Variants in GPC5 observed in about 807,000 individuals in gnomAD.
The protein encoded by GPC5 is glypican 5.
Under a neutral mutation model 53.9 loss-of-function variants are expected in GPC5, and 47 were observed. The observed-to-expected ratio is 0.87, with a 90% CI of 0.69 to 1.11. GPC5 has a LOEUF of 1.11. Ranked by LOEUF, GPC5 falls within the 50% of genes most tolerant of loss-of-function variation. The probability of loss-of-function intolerance (pLI) is 0.00; values close to 1 mark genes in which losing one functional copy is unlikely to be tolerated. For missense variants in GPC5, 748 were observed against 713.1 expected (o/e 1.05, Z -0.56); for synonymous variants, 286 against 263.3 (o/e 1.09, Z -0.84).
chr13:92,657,821 C>T (rs1290216377), intron 7 of GPC5, among the ~76,000 whole-genome samples: 1 of 152,014 alleles, frequency 6.6e-6, no homozygotes, highest in African/African-American at 2.4e-5. Flanking sequence ...TCTTTTAACT[C>T]TTCAGACTGT....
intron 7 of GPC5, among the ~76,000 whole-genome samples, chr13:92,283,969 G>T (rs1263111557): frequency 1.3e-5 from 2 of 152,108 alleles, no homozygotes; most frequent in Non-Finnish European, 2.9e-5. Flanking sequence ...TTTTTGAAAA[G>T]ATCAACAAAA....
intron 7 of GPC5, among the ~76,000 whole-genome samples, chr13:92,846,097 G>A (rs534641481): frequency 1.3e-5 from 2 of 152,200 alleles, no homozygotes; most frequent in East Asian, 3.9e-4. Flanking sequence ...CTGCAGGGCT[G>A]GTGAGGCCTC....
At chr13:91,495,160 C>T (rs1259945574) in intron 2 of GPC5, among the ~76,000 whole-genome samples, 1 of 152,194 alleles carries the variant, frequency 6.6e-6, no homozygotes, top group Non-Finnish European at 1.5e-5. Context: ...TTCTCATACC[C>T]TACCTTATAT....
At chr13:92,754,581 A>T (rs1054869152) in intron 7 of GPC5, among the ~76,000 whole-genome samples, 61 of 151,582 alleles carry the variant, frequency 4.0e-4, no homozygotes, top group African/African-American at 1.5e-3. Flanking sequence ...TATTCAGGAA[A>T]CCCATCTCAC....
chr13:92,281,644 A>G (rs944663414), intron 7 of GPC5, among the ~76,000 whole-genome samples: 1 of 152,200 alleles, frequency 6.6e-6, no homozygotes, highest in Admixed American at 6.5e-5. Flanking sequence ...CAGGGTCTGG[A>G]GTGGACCTCC....
intron 6 of GPC5, among the ~76,000 whole-genome samples, chr13:91,979,981 T>C (rs1397262845): frequency 6.6e-6 from 1 of 152,130 alleles, no homozygotes; most frequent in Non-Finnish European, 1.5e-5. Context: ...TTATCTTTCA[T>C]GATGAAGCAG....
chr13:92,625,217 A>G (rs1411310499), intron 7 of GPC5, among the ~76,000 whole-genome samples: 2 of 152,212 alleles, frequency 1.3e-5, no homozygotes, highest in Non-Finnish European at 2.9e-5. Flanking sequence ...TAAAATGTTC[A>G]TTGATAGGAA....
intron 5 of GPC5, among the ~76,000 whole-genome samples, chr13:91,788,885 G>T (rs2037919613): frequency 6.6e-6 from 1 of 152,096 alleles, no homozygotes; most frequent in Non-Finnish European, 1.5e-5. Flanking sequence ...AGATATTAAT[G>T]GCTTTTATTC....
At chr13:92,316,933 AT>A (rs1309908706) in intron 7 of GPC5, among the ~76,000 whole-genome samples, 12 of 152,180 alleles carry the variant, frequency 7.9e-5, no homozygotes, top group Non-Finnish European at 1.2e-4. Flanking sequence ...AATACAATAT[AT>A]TGTATTCTCC....
intron 7 of GPC5, among the ~76,000 whole-genome samples, chr13:92,649,517 CATT>C (rs1885886753): frequency 6.6e-6 from 1 of 152,068 alleles, no homozygotes; most frequent in African/African-American, 2.4e-5. Context: ...GTATGACACT[CATT>C]GTTTATTTTA....
intron 6 of GPC5, among the ~76,000 whole-genome samples, chr13:91,942,524 T>C (rs1408417157): frequency 6.6e-6 from 1 of 152,078 alleles, no homozygotes; most frequent in Non-Finnish European, 1.5e-5. Flanking sequence ...ACTTTCATAC[T>C]TGGAAGTGTT....
chr13:92,596,576 C>T (rs1247274327), intron 7 of GPC5, among the ~76,000 whole-genome samples: 1 of 152,010 alleles, frequency 6.6e-6, no homozygotes, highest in Non-Finnish European at 1.5e-5. Flanking sequence ...TGGGTTCAAG[C>T]GATTCTTATG....
chr13:92,457,906 C>T lies in GPC5; in HGVS notation c.1561+312917C>T, dbSNP rs569245780. ...TGTTGCCTGTCCTTACACTATTCCA[C>T]GCAGAACTGACTATTGCTTCCTCTC... is the stretch of plus-strand genomic sequence containing the variant. On this transcript the variant is annotated intron_variant, in intron 7 of 7. Coordinates refer to ENST00000377067, the MANE Select transcript of GPC5 (RefSeq NM_004466.6). Among the ~76,000 whole-genome samples the T allele has an allele frequency of 6.4e-4, 97 of 152,238 alleles. 1 individual carries two copies. The South Asian group carries it at 0.018, about 29-fold the overall frequency.
At chr13:91,535,448 G>A (rs1039138468) in intron 2 of GPC5, among the ~76,000 whole-genome samples, 1 of 152,170 alleles carries the variant, frequency 6.6e-6, no homozygotes, top group Non-Finnish European at 1.5e-5. Flanking sequence ...TGTCAAGAGA[G>A]TGACCATTTA....
chr13:92,261,896 A>C (rs1246507376), intron 7 of GPC5, among the ~76,000 whole-genome samples: 4 of 152,168 alleles, frequency 2.6e-5, no homozygotes, highest in Non-Finnish European at 5.9e-5. Flanking sequence ...CTTAAGTGCA[A>C]TGTCATTTGT....
intron 2 of GPC5, among the ~76,000 whole-genome samples, chr13:91,666,910 T>C (rs954610754): frequency 6.6e-6 from 1 of 152,090 alleles, no homozygotes; most frequent in Non-Finnish European, 1.5e-5. Flanking sequence ...ATATTATTTC[T>C]TTTTTTAATT....
intron 6 of GPC5, among the ~76,000 whole-genome samples, chr13:91,929,524 A>G (rs763441034): frequency 2.0e-4 from 31 of 152,016 alleles, no homozygotes; most frequent in Non-Finnish European, 4.0e-4. Flanking sequence ...AGACTCTTTC[A>G]TGTTTCATTG....
Position 91,728,442 on chromosome 13 carries a change from G to T in GPC5, c.1021-90G>T. 2.5e-6 allele frequency: 3 copies of T among 1,222,816 alleles called. No homozygotes were observed. The Admixed American group carries it at 7.3e-5, about 30-fold the overall frequency. The allele number at this position is 1,222,816 out of a possible 1,614,324, so 75.7% of individuals were successfully genotyped here. A position where few individuals can be genotyped will look rare whatever the true frequency, so the allele number is the denominator to read the frequency against. ...TTAATATTGAGGTGAAAGCAAAAAC[G>T]TGTCATTGTTTTGGGCCCTATGAAA... On this transcript the variant is annotated intron_variant, in intron 3 of 7. Coordinates refer to ENST00000377067, the MANE Select transcript of GPC5 (RefSeq NM_004466.6).
intron 5 of GPC5, among the ~76,000 whole-genome samples, chr13:91,797,357 C>G (rs2038062750): frequency 6.6e-6 from 1 of 152,040 alleles, no homozygotes; most frequent in African/African-American, 2.4e-5. Flanking sequence ...TGTTGAAAAA[C>G]TTATTTTTAG....
Sources: allele counts gnomAD v4.1 joint callset (sites outside exome capture counted in the v4.1 genomes callset), GRCh38; gene constraint gnomAD v4.1.1; transcripts MANE v1.5; gene names NCBI Gene and HGNC (gene_info 2026-07-23, HGNC 2026-07-21).